ARMC2: variants seen among roughly 807,000 people sequenced by gnomAD.
ARMC2 encodes armadillo repeat-containing protein 2.
A neutral mutation model predicts 90.3 loss-of-function variants in ARMC2; 67 were observed. The observed-to-expected ratio is 0.74, with a 90% CI of 0.61 to 0.91. ARMC2 has a LOEUF of 0.91. Ranked by LOEUF, ARMC2 falls within the 40% of genes least tolerant of loss-of-function variation. The probability of loss-of-function intolerance (pLI) is 0.00; values close to 1 mark genes in which losing one functional copy is unlikely to be tolerated. For missense variants in ARMC2, 920 were observed against 1,030.9 expected (o/e 0.89, Z 1.47); for synonymous variants, 393 against 393.0 (o/e 1.00, Z 0.00).
At chr6:108,981,185 C>T in the ARMC2 span, among the ~76,000 whole-genome samples, 4 of 152,074 alleles carry the variant, frequency 2.6e-5, no homozygotes, top group Admixed American at 6.5e-5. Context: ...CCTCGCCAAA[C>T]AGCCCCCTTC....
chr6:109,038,902 G>GA, the ARMC2 span, among the ~76,000 whole-genome samples: 1 of 145,266 alleles, frequency 6.9e-6, no homozygotes, highest in Non-Finnish European at 1.5e-5. Context: ...GAAGGAAGGA[G>GA]AAAAAAGGAA....
the ARMC2 span, among the ~76,000 whole-genome samples, chr6:109,014,674 A>G: frequency 5.5e-4 from 84 of 152,078 alleles, no homozygotes; most frequent in Middle Eastern, 3.4e-3. Context: ...GGAATGGGTG[A>G]TCTTGGGCTT....
At chr6:108,943,174 C>T (rs953857773) in intron 12 of ARMC2, among the ~76,000 whole-genome samples, 3 of 152,122 alleles carry the variant, frequency 2.0e-5, no homozygotes, top group Admixed American at 6.6e-5. Flanking sequence ...TACCAAAAGT[C>T]ACAAAATTTT....
At chr6:109,039,386 T>G in the ARMC2 span, among the ~76,000 whole-genome samples, 1 of 152,238 alleles carries the variant, frequency 6.6e-6, no homozygotes, top group South Asian at 2.1e-4. Context: ...TTCTGTAATT[T>G]CCCTTCACTT....
intron 13 of ARMC2, among the ~76,000 whole-genome samples, 190 bp from the exon 14 acceptor site, chr6:108,961,382 C>T (rs1777985907): frequency 6.6e-6 from 1 of 152,206 alleles, no homozygotes; most frequent in Non-Finnish European, 1.5e-5. Flanking sequence ...GGAGCAGGCC[C>T]TTGCATTTGG....
chr6:108,956,424 C>T (rs571366697), intron 13 of ARMC2, among the ~76,000 whole-genome samples: 20 of 151,708 alleles, frequency 1.3e-4, no homozygotes, highest in East Asian at 1.2e-3. Flanking sequence ...AGGCTGGGCA[C>T]GGTGGTTCGC....
intron 12 of ARMC2, among the ~76,000 whole-genome samples, chr6:108,940,012 T>A (rs964424148): frequency 6.6e-6 from 1 of 152,238 alleles, no homozygotes; most frequent in Non-Finnish European, 1.5e-5. Flanking sequence ...GCATCTTCTT[T>A]GTAGATTTTC....
chr6:108,940,265 C>T (rs1316960368), intron 12 of ARMC2, among the ~76,000 whole-genome samples: 1 of 152,116 alleles, frequency 6.6e-6, no homozygotes, highest in East Asian at 1.9e-4. Context: ...GACTCTATCT[C>T]GGAAATCAAG....
chr6:108,935,750 C>G (rs1775911003), intron 11 of ARMC2, among the ~76,000 whole-genome samples: 1 of 152,046 alleles, frequency 6.6e-6, no homozygotes, highest in Non-Finnish European at 1.5e-5. Flanking sequence ...GCCCATCCTA[C>G]AAGTTTTGAT....
chr6:108,907,639 G>T, intron 8 of ARMC2: 1 of 1,593,746 alleles, frequency 6.3e-7, no homozygotes, highest in Non-Finnish European at 8.6e-7. Context: ...ACTCGTGCTT[G>T]AGATGCTTGT....
intron 10 of ARMC2, chr6:108,923,116 T>C (rs1247067691): frequency 1.3e-5 from 2 of 152,194 alleles, no homozygotes; most frequent in African/African-American, 2.4e-5. Flanking sequence ...AAACTTGTGT[T>C]TTTCAGTGTG....
intron 5 of ARMC2, among the ~76,000 whole-genome samples, chr6:108,892,922 A>G (rs1771234401): frequency 6.6e-6 from 1 of 152,234 alleles, no homozygotes; most frequent in Non-Finnish European, 1.5e-5. Context: ...ACGGGCACAT[A>G]CAGATGTTCA....
At chr6:109,032,569 G>A in the ARMC2 span, among the ~76,000 whole-genome samples, 2 of 150,630 alleles carry the variant, frequency 1.3e-5, no homozygotes, top group Non-Finnish European at 2.9e-5. Flanking sequence ...AATGAGCCGA[G>A]ATTGGGCCAT....
intron 3 of ARMC2, 62 bp from the exon 4 acceptor site, chr6:108,868,761 TG>T (rs1776087101): frequency 6.6e-7 from 1 of 1,516,026 alleles, no homozygotes; most frequent in African/African-American, 1.4e-5. Context: ...TGGCCAGCTC[TG>T]AGGTAAGTGT....
downstream of ARMC2, among the ~76,000 whole-genome samples, chr6:108,976,811 A>G (rs1364312121): frequency 6.6e-6 from 1 of 152,152 alleles, no homozygotes. Flanking sequence ...TTTGTCTGCT[A>G]TTAGTTTATA....
At chr6:108,879,062 C>T (rs543855124) in intron 5 of ARMC2, among the ~76,000 whole-genome samples, 14 of 151,780 alleles carry the variant, frequency 9.2e-5, no homozygotes, top group African/African-American at 3.1e-4. Context: ...TCTGCCCATC[C>T]ACCCACCCAT....
chr6:108,861,133 A>T (rs1268673666), intron 3 of ARMC2, among the ~76,000 whole-genome samples: 1 of 152,192 alleles, frequency 6.6e-6, no homozygotes, highest in Non-Finnish European at 1.5e-5. Flanking sequence ...AATTTCAGCT[A>T]ATCCTCCTTA....
At chr6:109,000,145 G>C in the ARMC2 span, 1 of 163,354 alleles carries the variant, frequency 6.1e-6, no homozygotes, top group Admixed American at 6.5e-5. Flanking sequence ...GAAGGGGAAA[G>C]GGGGGGAAAG....
chr6:108,862,982 A>G (rs905127994), intron 3 of ARMC2, among the ~76,000 whole-genome samples: 113 of 152,140 alleles, frequency 7.4e-4, no homozygotes, highest in African/African-American at 2.4e-3. Flanking sequence ...CTCACCCTCC[A>G]GCGGGCAATG....
Sources: allele counts gnomAD v4.1 joint callset (sites outside exome capture counted in the v4.1 genomes callset), GRCh38; gene constraint gnomAD v4.1.1; transcripts MANE v1.5; gene names NCBI Gene and HGNC (gene_info 2026-07-23, HGNC 2026-07-21).